DENND5A: variants seen among roughly 807,000 people sequenced by gnomAD.
DENND5A encodes DENN domain containing 5A.
A neutral mutation model predicts 140.3 loss-of-function variants in DENND5A; 64 were observed. The ratio of observed to expected loss-of-function variants is 0.46; its 90% confidence interval spans 0.37 to 0.56. DENND5A has a LOEUF of 0.56. Ranked by LOEUF, DENND5A falls within the 20% of genes least tolerant of loss-of-function variation. The probability of loss-of-function intolerance (pLI) is 0.00; values close to 1 mark genes in which losing one functional copy is unlikely to be tolerated. For synonymous variants in DENND5A, 605 were observed against 607.7 expected, an observed-to-expected ratio of 1.00 and a Z score of 0.07; for missense variants, 1,292 against 1,593.8, an observed-to-expected ratio of 0.81 and a Z score of 3.22.
At chr11:9,148,490 C>A (rs1463799507) in intron 15 of DENND5A, among the ~76,000 whole-genome samples, 2 of 152,028 alleles carry the variant, frequency 1.3e-5, no homozygotes, top group African/African-American at 2.4e-5. Context: ...AAATTTAGTG[C>A]AGGTGAGAAG....
chr11:9,257,170 C>G (rs951582403), intron 1 of DENND5A, among the ~76,000 whole-genome samples: 1 of 151,750 alleles, frequency 6.6e-6, no homozygotes, highest in Admixed American at 6.6e-5. Flanking sequence ...CCACCACGCC[C>G]GGCTAATTTT....
chr11:9,192,354 C>A (rs369311304), intron 5 of DENND5A, among the ~76,000 whole-genome samples: 2 of 152,118 alleles, frequency 1.3e-5, no homozygotes, highest in African/African-American at 4.8e-5. Context: ...CCCGGCCGGG[C>A]GCGGTGGCTC....
intron 11 of DENND5A, among the ~76,000 whole-genome samples, chr11:9,162,222 G>C (rs1014417995): frequency 3.4e-5 from 5 of 146,880 alleles, no homozygotes; most frequent in African/African-American, 7.4e-5. Context: ...CCAGCGCCAG[G>C]CCAGTTCCTT....
chr11:9,164,194 ATTTTTTT>A (rs779522112), intron 11 of DENND5A, among the ~76,000 whole-genome samples: 2 of 79,056 alleles, frequency 2.5e-5, no homozygotes, highest in African/African-American at 9.7e-5. Flanking sequence ...ACCACGCCTA[ATTTTTTT>A]TTTTTTTTTT....
chr11:9,262,309 A>G (rs1297584720), intron 1 of DENND5A, among the ~76,000 whole-genome samples: 1 of 152,228 alleles, frequency 6.6e-6, no homozygotes, highest in Non-Finnish European at 1.5e-5. Context: ...CTTATGCTCT[A>G]TCATTCGCAA....
chr11:9,170,525 G>T, intron 9 of DENND5A, 102 bp downstream of exon 9: 1 of 1,419,840 alleles, frequency 7.0e-7, no homozygotes, highest in South Asian at 1.3e-5. Context: ...ATCTGCTTTA[G>T]AAAAGTACAA....
At chr11:9,234,322 C>G (rs72859678) in intron 1 of DENND5A, among the ~76,000 whole-genome samples, 1 of 151,666 alleles carries the variant, frequency 6.6e-6, no homozygotes, top group African/African-American at 2.4e-5. Flanking sequence ...ATCCCCCCCC[C>G]AAAAAAATGA....
intron 22 of DENND5A, chr11:9,140,075 A>G (rs2136107281): frequency 8.2e-7 from 1 of 1,215,184 alleles, no homozygotes; most frequent in South Asian, 1.4e-5. Context: ...TGAGCCTCCA[A>G]GCCTCCTCCT....
intron 3 of DENND5A, among the ~76,000 whole-genome samples, chr11:9,204,534 A>G (rs959403338): frequency 6.6e-6 from 1 of 152,230 alleles, no homozygotes; most frequent in Non-Finnish European, 1.5e-5. Flanking sequence ...ACAGGAACAC[A>G]GCACAGACAA....
intron 12 of DENND5A, among the ~76,000 whole-genome samples, chr11:9,154,866 T>C (rs1298008116): frequency 6.8e-6 from 1 of 147,992 alleles, no homozygotes; most frequent in Non-Finnish European, 1.5e-5. Context: ...AAAAAGAAGG[T>C]TGACTGGGCG....
At chr11:9,248,525 T>A (rs955865412) in intron 1 of DENND5A, among the ~76,000 whole-genome samples, 1 of 151,956 alleles carries the variant, frequency 6.6e-6, no homozygotes, top group Non-Finnish European at 1.5e-5. Flanking sequence ...TGTGGTGGCA[T>A]GTGTCTGTGG....
At chr11:9,260,845 T>C (rs1852164551) in intron 1 of DENND5A, among the ~76,000 whole-genome samples, 1 of 152,114 alleles carries the variant, frequency 6.6e-6, no homozygotes, top group Non-Finnish European at 1.5e-5. Context: ...TATTTTTTAT[T>C]TTTAGTTGTA....
chr11:9,188,781 G>T (rs1849009908), intron 5 of DENND5A, among the ~76,000 whole-genome samples: 1 of 152,170 alleles, frequency 6.6e-6, no homozygotes, highest in Admixed American at 6.5e-5. Flanking sequence ...GCATTCAAGA[G>T]GTCTCTTGGG....
At chr11:9,170,986 G>A (rs1313125907) in intron 8 of DENND5A, 1 of 801,252 alleles carries the variant, frequency 1.2e-6, no homozygotes, top group Non-Finnish European at 1.9e-6. Context: ...ATCAGGCAAT[G>A]AAGGGCAGGA....
At chr11:9,193,355 T>A (rs1357701430) in intron 5 of DENND5A, 139 bp downstream of exon 5, 1 of 609,446 alleles carries the variant, frequency 1.6e-6, no homozygotes, top group African/African-American at 1.9e-5. Flanking sequence ...TGTTTTTACT[T>A]TTTTCCTGAG....
chr11:9,216,779 G>A (rs1246031567), intron 1 of DENND5A, among the ~76,000 whole-genome samples: 1 of 152,222 alleles, frequency 6.6e-6, no homozygotes, highest in Non-Finnish European at 1.5e-5. Context: ...GGCTGAGGTG[G>A]AGGGATTGCT....
intron 18 of DENND5A, 145 bp from the exon 19 acceptor site, chr11:9,144,423 C>A: frequency 1.2e-6 from 1 of 818,440 alleles, no homozygotes; most frequent in Non-Finnish European, 1.9e-6. Flanking sequence ...CACCATGTAT[C>A]ATCAGAGAAT....
chr11:9,259,535 C>T (rs1379217642), intron 1 of DENND5A, among the ~76,000 whole-genome samples: 1 of 152,150 alleles, frequency 6.6e-6, no homozygotes, highest in Non-Finnish European at 1.5e-5. Context: ...CACTGCACGC[C>T]AGCCTGGGCG....
intron 8 of DENND5A, among the ~76,000 whole-genome samples, chr11:9,177,254 GAA>G (rs113043034): frequency 7.7e-5 from 5 of 65,180 alleles, no homozygotes; most frequent in Admixed American, 1.9e-4. Flanking sequence ...ACCCTGTCTC[GAA>G]AAAAAAAAAA....
Sources: gnomAD v4.1 joint callset for allele counts (sites outside exome capture counted in the v4.1 genomes callset) on GRCh38, gnomAD v4.1.1 for gene constraint, MANE v1.5 for transcripts, NCBI Gene and HGNC (gene_info 2026-07-23, HGNC 2026-07-21) for gene names.